RBFOX3: variants seen among roughly 807,000 people sequenced by gnomAD.
RBFOX3 encodes RNA binding fox-1 homolog 3.
RBFOX3 carries 17 observed loss-of-function variants against 48.7 expected under a neutral mutation model. That is an observed-to-expected ratio of 0.35 (90% CI 0.24 to 0.52). The LOEUF (loss-of-function observed/expected upper bound fraction) is 0.52, where lower values mean the gene tolerates loss of function less well. Ranked by LOEUF, RBFOX3 falls within the 20% of genes least tolerant of loss-of-function variation. The pLI, the probability that RBFOX3 is intolerant of heterozygous loss-of-function variation, is 0.94. For synonymous variants in RBFOX3, 212 were observed against 209.5 expected, an observed-to-expected ratio of 1.01 and a Z score of -0.10; for missense variants, 382 against 497.5, an observed-to-expected ratio of 0.77 and a Z score of 2.21.
intron 4 of RBFOX3, among the ~76,000 whole-genome samples, chr17:79,222,494 T>G (rs2059855226): frequency 6.6e-6 from 1 of 152,222 alleles, no homozygotes; most frequent in Admixed American, 6.5e-5. Context: ...CTCTGGGGAC[T>G]CTGAGTTGGC....
At chr17:79,630,190 G>A in the RBFOX3 span, among the ~76,000 whole-genome samples, 20 of 152,334 alleles carry the variant, frequency 1.3e-4, no homozygotes, top group South Asian at 2.5e-3. Flanking sequence ...GGGTCCGCCT[G>A]TAGGGTTTCC....
At chr17:79,202,689 C>T (rs1368844714) in intron 4 of RBFOX3, among the ~76,000 whole-genome samples, 3 of 152,226 alleles carry the variant, frequency 2.0e-5, no homozygotes, top group Non-Finnish European at 2.9e-5. Flanking sequence ...CTTGGCTGTG[C>T]GTGTCAGAGC....
intron 3 of RBFOX3, among the ~76,000 whole-genome samples, chr17:79,300,872 T>A (rs992953395): frequency 6.6e-6 from 1 of 152,120 alleles, no homozygotes; most frequent in Admixed American, 6.5e-5. Context: ...AAATGGACAT[T>A]CCAGTGTTTC....
intron 2 of RBFOX3, among the ~76,000 whole-genome samples, chr17:79,431,301 C>T (rs2068403691): frequency 1.3e-5 from 2 of 152,128 alleles, no homozygotes; most frequent in African/African-American, 4.8e-5. Flanking sequence ...GTTAGGTTCC[C>T]AAGAGCCTCT....
chr17:79,511,972 C>T (rs1341981224), intron 1 of RBFOX3, among the ~76,000 whole-genome samples: 1 of 146,536 alleles, frequency 6.8e-6, no homozygotes. Context: ...GACACCCACC[C>T]GGATACATGT....
intron 2 of RBFOX3, among the ~76,000 whole-genome samples, chr17:79,434,379 A>G (rs992748361): frequency 3.2e-4 from 48 of 152,174 alleles, no homozygotes; most frequent in African/African-American, 1.2e-3. Flanking sequence ...CCATGGACTT[A>G]TGGGGCCGTT....
intron 3 of RBFOX3, among the ~76,000 whole-genome samples, chr17:79,256,934 CAAACA>C (rs1163407449): frequency 9.5e-6 from 1 of 105,700 alleles, no homozygotes; most frequent in Non-Finnish European, 1.9e-5. Flanking sequence ...AACAAACAAA[CAAACA>C]AAACAAAACA....
intron 3 of RBFOX3, among the ~76,000 whole-genome samples, chr17:79,247,872 C>G (rs764677579): frequency 6.6e-6 from 1 of 152,222 alleles, no homozygotes; most frequent in South Asian, 2.1e-4. Context: ...GTTTACTCCC[C>G]TGTAAAAGCG....
At chr17:79,396,623 C>A (rs561515302) in intron 2 of RBFOX3, among the ~76,000 whole-genome samples, 5 of 152,290 alleles carry the variant, frequency 3.3e-5, no homozygotes, top group African/African-American at 1.2e-4. Context: ...TGCTGGCCAC[C>A]CCGTCATTAT....
intron 1 of RBFOX3, among the ~76,000 whole-genome samples, chr17:79,523,428 G>A (rs1207754788): frequency 2.6e-5 from 4 of 152,174 alleles, no homozygotes; most frequent in Non-Finnish European, 4.4e-5. Flanking sequence ...GGCGGGAAAC[G>A]GGCTGGAGGG....
chr17:79,468,343 G>C (rs968846704), intron 2 of RBFOX3, among the ~76,000 whole-genome samples: 2 of 152,200 alleles, frequency 1.3e-5, no homozygotes, highest in Non-Finnish European at 2.9e-5. Flanking sequence ...CATACAGATA[G>C]ACAGGCAGGT....
At chr17:79,217,516 T>C (rs1225939105) in intron 4 of RBFOX3, among the ~76,000 whole-genome samples, 1 of 152,066 alleles carries the variant, frequency 6.6e-6, no homozygotes, top group Non-Finnish European at 1.5e-5. Flanking sequence ...GAACAAGAAC[T>C]GAACAAGACC....
At chr17:79,492,198 T>TGG (rs1453910941) in intron 1 of RBFOX3, among the ~76,000 whole-genome samples, 1 of 152,154 alleles carries the variant, frequency 6.6e-6, no homozygotes, top group Non-Finnish European at 1.5e-5. Flanking sequence ...TGGTCAGTGG[T>TGG]GGTGCTAGCA....
At chr17:79,592,867 A>G (rs1453930882) in intron 1 of RBFOX3, among the ~76,000 whole-genome samples, 3 of 152,138 alleles carry the variant, frequency 2.0e-5, no homozygotes, top group African/African-American at 7.2e-5. Context: ...TCCCACAGCC[A>G]TGTGCTCCCC....
At chr17:79,107,607 G>A (rs2077637995) in intron 5 of RBFOX3, among the ~76,000 whole-genome samples, 2 of 152,228 alleles carry the variant, frequency 1.3e-5, no homozygotes, top group Admixed American at 1.3e-4. Flanking sequence ...GCTTGGTCCT[G>A]GCTGTATCCA....
intron 4 of RBFOX3, among the ~76,000 whole-genome samples, chr17:79,182,834 C>G (rs139668690): frequency 0.061 from 9,172 of 151,330 alleles, 316 homozygotes; most frequent in East Asian, 0.19. Flanking sequence ...CCCGCCGCCA[C>G]CTCTGCGCGC....
At chr17:79,116,963 G>A (rs2034182735) in intron 4 of RBFOX3, among the ~76,000 whole-genome samples, 1 of 152,254 alleles carries the variant, frequency 6.6e-6, no homozygotes, top group Non-Finnish European at 1.5e-5. Flanking sequence ...TGCGTGCACT[G>A]AGAACCACTG....
At chr17:79,338,498 C>T (rs1372053666) in intron 2 of RBFOX3, among the ~76,000 whole-genome samples, 2 of 152,156 alleles carry the variant, frequency 1.3e-5, no homozygotes, top group South Asian at 2.1e-4. Context: ...AACAGCTTTT[C>T]CAGAATTGGG....
intron 2 of RBFOX3, among the ~76,000 whole-genome samples, chr17:79,387,950 A>G (rs575452716): frequency 8.3e-4 from 127 of 152,170 alleles, no homozygotes; most frequent in Non-Finnish European, 1.4e-3. Context: ...ACATGTGTGC[A>G]TGTACATGCA....
Sources: gnomAD v4.1 joint callset for allele counts (sites outside exome capture counted in the v4.1 genomes callset) on GRCh38, gnomAD v4.1.1 for gene constraint, MANE v1.5 for transcripts, NCBI Gene and HGNC (gene_info 2026-07-23, HGNC 2026-07-21) for gene names.